The following PBX1 variants were observed in gnomAD, a reference collection of about 807,000 sequenced individuals.
PBX1 encodes pre-B-cell leukemia transcription factor 1.
A neutral mutation model predicts 53.4 loss-of-function variants in PBX1; 6 were observed. The ratio of observed to expected loss-of-function variants is 0.11; its 90% CI spans 0.06 to 0.22. PBX1 has a LOEUF of 0.22. Ranked by LOEUF, PBX1 falls within the 10% of genes least tolerant of loss-of-function variation. PBX1 has a pLI of 1.00. For synonymous variants in PBX1, 204 were observed against 212.3 expected, an observed-to-expected ratio of 0.96 and a Z score of 0.34; for missense variants, 251 against 551.4, an observed-to-expected ratio of 0.46 and a Z score of 5.46.
At chr1:164,581,141 C>T (rs1014701951) in intron 2 of PBX1, among the ~76,000 whole-genome samples, 2 of 152,082 alleles carry the variant, frequency 1.3e-5, no homozygotes, top group African/African-American at 4.8e-5. Flanking sequence ...CGGATGGATG[C>T]TTCCATGGTG....
At chr1:164,629,584 G>A (rs1458282953) in intron 2 of PBX1, among the ~76,000 whole-genome samples, 1 of 152,182 alleles carries the variant, frequency 6.6e-6, no homozygotes, top group Non-Finnish European at 1.5e-5. Flanking sequence ...CTTTATTGGT[G>A]CAGATGGGAT....
chr1:164,876,906 G>A (rs766618331), intron 2 of PBX1, among the ~76,000 whole-genome samples: 2 of 152,040 alleles, frequency 1.3e-5, no homozygotes, highest in African/African-American at 2.4e-5. Flanking sequence ...GCTCCTCCCG[G>A]CCCCCTGCCG....
intron 6 of PBX1, chr1:164,816,104 G>A (rs1411028434): frequency 6.6e-6 from 1 of 152,112 alleles, no homozygotes; most frequent in Non-Finnish European, 1.5e-5. Flanking sequence ...GTCTTTCTTA[G>A]TATGATTCTC....
intron 2 of PBX1, among the ~76,000 whole-genome samples, chr1:164,860,464 T>A (rs1011096633): frequency 6.6e-6 from 1 of 152,150 alleles, no homozygotes. Context: ...AATTGCTGAC[T>A]CCAGCCAGAC....
At chr1:164,581,626 G>A (rs557590306) in intron 2 of PBX1, among the ~76,000 whole-genome samples, 7 of 152,264 alleles carry the variant, frequency 4.6e-5, no homozygotes, top group Admixed American at 4.6e-4. Context: ...CAGGACCAGG[G>A]TGAAGGTGAA....
chr1:164,622,601 C>T (rs1381950792), intron 2 of PBX1, among the ~76,000 whole-genome samples: 1 of 152,152 alleles, frequency 6.6e-6, no homozygotes. Context: ...TTTGAATTCT[C>T]TACCCATCAT....
chr1:164,698,223 G>T (rs1168243012), intron 2 of PBX1, among the ~76,000 whole-genome samples: 3 of 152,120 alleles, frequency 2.0e-5, no homozygotes, highest in African/African-American at 7.2e-5. Flanking sequence ...GCAGTAGAGG[G>T]TGAGAGCAAG....
At chr1:164,693,252 GGAAGTGT>G (rs1662604082) in intron 2 of PBX1, among the ~76,000 whole-genome samples, 1 of 152,216 alleles carries the variant, frequency 6.6e-6, no homozygotes, top group Admixed American at 6.5e-5. Flanking sequence ...GCAGAAGGGA[GGAAGTGT>G]GAAGCAGATG....
downstream of PBX1, among the ~76,000 whole-genome samples, chr1:164,854,930 CCTCT>C (rs1553254627): frequency 1.2e-4 from 18 of 150,336 alleles, no homozygotes; most frequent in South Asian, 2.1e-4. Flanking sequence ...GAGTTATCCT[CCTCT>C]CTCTCTCTCT....
At chr1:164,672,105 G>T in intron 2 of PBX1, among the ~76,000 whole-genome samples, 1 of 145,282 alleles carries the variant, frequency 6.9e-6, no homozygotes. Context: ...TTCTCTCTCT[G>T]TGAACAGCTC....
intron 2 of PBX1, among the ~76,000 whole-genome samples, chr1:164,715,882 C>T (rs142726119): frequency 5.5e-4 from 83 of 152,288 alleles, no homozygotes; most frequent in African/African-American, 1.9e-3. Context: ...ATTTGTATTC[C>T]ACGCCTCCTC....
chr1:164,658,775 T>A (rs1441311871), intron 2 of PBX1, among the ~76,000 whole-genome samples: 3 of 152,246 alleles, frequency 2.0e-5, no homozygotes, highest in African/African-American at 7.2e-5. Flanking sequence ...TTATTGAGCA[T>A]GTGCATGCCA....
chr1:164,737,092 T>A (rs1056382597), intron 2 of PBX1, among the ~76,000 whole-genome samples: 18 of 152,194 alleles, frequency 1.2e-4, no homozygotes, highest in Non-Finnish European at 2.5e-4. Flanking sequence ...TGCCTGAGCA[T>A]CTTCTTGCCT....
At chr1:164,616,449 A>G (rs1284348299) in intron 2 of PBX1, among the ~76,000 whole-genome samples, 1 of 152,224 alleles carries the variant, frequency 6.6e-6, no homozygotes, top group Non-Finnish European at 1.5e-5. Flanking sequence ...GCAATTACTT[A>G]GCATTATCTT....
At position 164,839,576 on chromosome 1, in the gene PBX1, A is replaced by C. The variant is rs553881551; in HGVS notation, c.1201-7008A>C. Among the ~76,000 whole-genome samples, 32 of 152,316 alleles carry C rather than the reference A, an allele frequency of 2.1e-4. No homozygotes were observed. In the South Asian group the frequency reaches 6.2e-3, roughly 30 times the overall value. ...CTCAAGCTGGGCCTTGAAAGATGAC[A>C]CGGATTTGTAGAGACCAGAGGAGAT... is the stretch of plus-strand genomic sequence containing the variant. On this transcript the variant is annotated intron_variant, in intron 8 of 8. Transcript: ENST00000420696.
intron 2 of PBX1, among the ~76,000 whole-genome samples, chr1:164,690,312 TAGAG>T (rs1214197141): frequency 3.9e-5 from 6 of 152,210 alleles, no homozygotes; most frequent in South Asian, 2.1e-4. Flanking sequence ...TGGGGAAGAA[TAGAG>T]AGGCCTCTGT....
intron 2 of PBX1, among the ~76,000 whole-genome samples, chr1:164,695,360 A>G (rs965626487): frequency 6.6e-6 from 1 of 151,972 alleles, no homozygotes; most frequent in Non-Finnish European, 1.5e-5. Flanking sequence ...ATTTCTCACC[A>G]TTTTTTTCTA....
intron 2 of PBX1, among the ~76,000 whole-genome samples, chr1:164,652,983 C>T (rs1427134944): frequency 6.6e-6 from 1 of 151,796 alleles, no homozygotes; most frequent in Non-Finnish European, 1.5e-5. Flanking sequence ...AGTTCTGCCT[C>T]AGCCTCCTGA....
intron 2 of PBX1, among the ~76,000 whole-genome samples, chr1:164,857,341 A>G (rs965399724): frequency 2.6e-5 from 4 of 152,160 alleles, no homozygotes; most frequent in African/African-American, 9.7e-5. Context: ...GAGGTCTGGA[A>G]GGGTCCTAAG....
Sources: allele counts gnomAD v4.1 joint callset (sites outside exome capture counted in the v4.1 genomes callset), GRCh38; gene constraint gnomAD v4.1.1; transcripts MANE v1.5; gene names NCBI Gene and HGNC (gene_info 2026-07-23, HGNC 2026-07-21).